PIEZO1: variants seen among roughly 807,000 people sequenced by gnomAD.
PIEZO1 encodes piezo type mechanosensitive ion channel component 1 (Er blood group), also known as piezo-type mechanosensitive ion channel component 1.
In PIEZO1, 296 loss-of-function variants were observed where a neutral mutation model predicts 297.2. The ratio of observed to expected loss-of-function variants is 1.00; its 90% CI spans 0.91 to 1.10. PIEZO1 has a LOEUF of 1.10. Among genes scored for constraint, PIEZO1 ranks in the 50% least tolerant of loss-of-function variants. The pLI is 0.00. For synonymous variants in PIEZO1, 2,427 were observed against 1,507.5 expected (o/e 1.61, Z -14.13); for missense variants, 5,018 against 3,455.5 (o/e 1.45, Z -11.34).
chr16:88,781,216 A>T (rs1907920454), intron 1 of PIEZO1, among the ~76,000 whole-genome samples: 1 of 152,214 alleles, frequency 6.6e-6, no homozygotes, highest in South Asian at 2.1e-4. Flanking sequence ...CTGCCGAGTC[A>T]GCACAGGAGA....
At chr16:88,777,107 G>A (rs1052142791) in intron 1 of PIEZO1, among the ~76,000 whole-genome samples, 11 of 152,338 alleles carry the variant, frequency 7.2e-5, no homozygotes, top group African/African-American at 2.6e-4. Context: ...CGAGTAGCTA[G>A]GATTACAGAT....
rs547838674 is a variant in PIEZO1 at position 88,750,104 on chromosome 16, G to T, written c.65-625C>A. Among the ~76,000 whole-genome samples, 3 of 151,778 alleles carry T rather than the reference G, an allele frequency of 2.0e-5. No individual in the cohort carries two copies. In the South Asian group the frequency reaches 6.2e-4, roughly 32 times the overall value. ...AATCCCAGCAGTTTGGGAGGCTGCA[G>T]CAGGAGGATCACCTGAGGTCAGGAG... On this transcript the variant is annotated intron_variant, in intron 1 of 50. Transcript: ENST00000301015.
intron 1 of PIEZO1, among the ~76,000 whole-genome samples, chr16:88,776,464 G>A (rs553128799): frequency 4.3e-4 from 65 of 152,090 alleles, no homozygotes; most frequent in Non-Finnish European, 9.3e-4. Context: ...GAGACGCAGG[G>A]CCAGGACCTG....
At chr16:88,738,141 A>AGAGGCAGTGGGGCCACAGGGGCTAGAC (rs1252190734) in intron 7 of PIEZO1, 36 bp from the exon 8 acceptor site, 1 of 1,534,918 alleles carries the variant, frequency 6.5e-7, no homozygotes. Flanking sequence ...CTACCACCCC[A>AGAGGCAGTGGGGCCACAGGGGCTAGAC]GAGGCAGTGG....
chr16:88,720,280 G>A lies in PIEZO1; in HGVS notation c.5953C>T (p.His1985Tyr). ...IIFGFWAFGK[H>Y]SAATDITSSL... The stretch of plus-strand genomic sequence containing the variant: ...GACGTGATGTCTGTGGCCGCCGAGT[G>A]CTTCTGTGGCCAGGAGAGCACAGGT... The change falls in exon 42 of 51, where the codon CAC (histidine) becomes TAC (tyrosine). Residue 1985 changes from histidine (H) to tyrosine (Y), a missense_variant. Coordinates refer to ENST00000301015, the MANE Select transcript of PIEZO1 (RefSeq NM_001142864.4). 1.3e-6 allele frequency: 2 copies of A among 1,550,342 alleles called. No individual in the cohort carries two copies. The highest frequency in any genetic ancestry group is 1.7e-6 in the Non-Finnish European group (2 of 1,146,940).
chr16:88,742,176 T>G (rs1297975090), intron 3 of PIEZO1, 81 bp from the exon 4 acceptor site: 1 of 1,515,618 alleles, frequency 6.6e-7, no homozygotes, highest in Non-Finnish European at 8.8e-7. Flanking sequence ...GCGTTTCACC[T>G]GGACCATCCA....
Position 88,737,466 on chromosome 16 carries a change from G to C in PIEZO1, c.1195+93C>G, listed in dbSNP as rs935987717. On this transcript the variant is annotated intron_variant, in intron 10 of 50. Coordinates refer to ENST00000301015, the MANE Select transcript of PIEZO1 (RefSeq NM_001142864.4). ...GGCGGCAGGCAGAGGTGCGGCGCGA[G>C]CATGCGAGAGCGCCAGGCGGCCACC... 7 of 828,928 alleles carry C rather than the reference G, an allele frequency of 8.4e-6. No individual in the cohort carries two copies. In the African/African-American group the frequency reaches 1.0e-4, roughly 12 times the overall value. 51.3% of individuals were successfully genotyped at this position (828,928 alleles called of 1,614,324 possible).
chr16:88,720,644 G>A lies in PIEZO1; in HGVS notation c.5773C>T (p.Arg1925Trp), dbSNP rs201442593. Residue 1925 changes from arginine (R) to tryptophan (W), a missense_variant, in exon 40 of 51, where the codon CGG becomes TGG. Physicochemically the swap from Arg to Trp is moderately radical, Grantham distance 101. Transcript: ENST00000301015. ...GACAGGCAGAAGCCCTGCAGCCGCC[G>A]CCCGGCCGCCCTTACTCTTCCTCCA... ...RSGGRVRAAG[R>W]RLQGFCLSLA... is the part of the protein sequence containing the mutation. 1,215 of 1,536,078 alleles carry A rather than the reference G, an allele frequency of 7.9e-4. 2 individuals carry two copies. Among genetic ancestry groups the A allele is most frequent in the Non-Finnish European group, 9.6e-4 (1,096 of 1,140,618 alleles).
In PIEZO1 at chr16:88,737,760, C is replaced by T. The variant is rs759245322; in HGVS notation, c.1075G>A (p.Asp359Asn). The stretch of plus-strand genomic sequence containing the variant: ...GACTCCCGTTCCTGGGGCCACTGGT[C>T]CAGCTCTGCTAGCTCCAGCTCCCGA... ...EARELELAELDQWPQERESDQ... is the reference protein window; with the variant it reads ...EARELELAELNQWPQERESDQ... The change falls in exon 9 of 51, where the codon GAC becomes AAC. Residue 359 changes from aspartate to asparagine, a missense_variant. Coordinates refer to ENST00000301015, the MANE Select transcript of PIEZO1 (RefSeq NM_001142864.4). The T allele has an allele frequency of 3.3e-6, 5 of 1,535,640 alleles. No homozygotes were observed. The highest frequency in any genetic ancestry group is 3.9e-5 in the Admixed American group (2 of 50,986).
At chr16:88,748,375 C>T (rs1369168475) in intron 2 of PIEZO1, among the ~76,000 whole-genome samples, 2 of 9,584 alleles carry the variant, frequency 2.1e-4, no homozygotes, top group African/African-American at 7.7e-4. Context: ...CCTCGTCACC[C>T]AGGCTGCAGG....
chr16:88,760,537 C>G (rs1906881881), intron 1 of PIEZO1, among the ~76,000 whole-genome samples: 1 of 152,242 alleles, frequency 6.6e-6, no homozygotes, highest in African/African-American at 2.4e-5. Flanking sequence ...GGGCAGGCAG[C>G]ACCCAGGGAG....
chr16:88,760,188 C>T (rs906643773), intron 1 of PIEZO1, among the ~76,000 whole-genome samples: 7 of 152,028 alleles, frequency 4.6e-5, no homozygotes, highest in East Asian at 3.9e-4. Flanking sequence ...TGACCCCGGC[C>T]GTGGCTACAG....
intron 22 of PIEZO1, among the ~76,000 whole-genome samples, chr16:88,728,403 T>C (rs1030235726): frequency 1.3e-5 from 2 of 150,838 alleles, no homozygotes; most frequent in African/African-American, 4.9e-5. Context: ...TGACCCTCCA[T>C]GCTGGGGAAC....
At chr16:88,738,541 G>A (rs1363580584) in intron 6 of PIEZO1, 27 bp downstream of exon 6, 2 of 1,531,016 alleles carry the variant, frequency 1.3e-6, no homozygotes, top group Non-Finnish European at 1.7e-6. Context: ...CAGTGTGACT[G>A]CCAGTGCCCC....
chr16:88,757,033 G>C (rs1405122705), intron 1 of PIEZO1, among the ~76,000 whole-genome samples: 1 of 152,138 alleles, frequency 6.6e-6, no homozygotes, highest in Non-Finnish European at 1.5e-5. Context: ...CCGAGATCAG[G>C]ACACTGCACT....
chr16:88,737,595 C>T lies in PIEZO1; in HGVS notation c.1159G>A (p.Glu387Lys), dbSNP rs1041284674. Residue 387 changes from glutamate (E) to lysine (K), a missense_variant, in exon 10 of 51, where the codon GAG (glutamate) becomes AAG (lysine). Physicochemically the swap from Glu to Lys is moderately conservative, Grantham distance 56 (BLOSUM62 1). Coordinates refer to ENST00000301015, the MANE Select transcript of PIEZO1 (RefSeq NM_001142864.4). The stretch of plus-strand genomic sequence containing the variant: ...AGGACGGAGCTCTGGCCGGTCAGCT[C>T]GTGCACGATGCAGTTATCAGCCTCG... ...DTEADNCIVH[E>K]LTGQSSVLRR... 1.2e-5 allele frequency: 18 copies of T among 1,534,580 alleles called. No individual in the cohort carries two copies. The highest frequency in any genetic ancestry group is 3.9e-5 in the Admixed American group (2 of 50,974).
rs191036550 is a variant in PIEZO1 at position 88,781,388 on chromosome 16, C to T, written c.64+3513G>A. Among the ~76,000 whole-genome samples the T allele has an allele frequency of 4.6e-5, 7 of 152,340 alleles. No individual in the cohort carries two copies. In the East Asian group the frequency reaches 1.2e-3, roughly 25 times the overall value. On this transcript the variant is annotated intron_variant, in intron 1 of 50. Transcript: ENST00000301015. ...CTGCGGGACGAGCACCCGCTGTGACCCATCCTCAGCTCCTGGGCAGTCCCT... is the reference window on the plus strand; with the variant it reads ...CTGCGGGACGAGCACCCGCTGTGACTCATCCTCAGCTCCTGGGCAGTCCCT...
intron 1 of PIEZO1, among the ~76,000 whole-genome samples, chr16:88,770,295 C>T (rs957710423): frequency 3.3e-5 from 5 of 152,170 alleles, no homozygotes; most frequent in African/African-American, 7.2e-5. Context: ...GTGCACAGCC[C>T]GCTCCCCCAT....
In PIEZO1 at chr16:88,738,460, A is replaced by G. The variant is rs1905407375; in HGVS notation, c.635-20T>C. On this transcript the variant is annotated intron_variant, in intron 6 of 50. Transcript: ENST00000301015. The stretch of plus-strand genomic sequence containing the variant: ...CGATGCCTGCGGGGCAGGGGCACAC[A>G]GGGTGGTACCTGGCCAGTGCCATGT... 6.5e-7 allele frequency: 1 copy of G among 1,533,508 alleles called. No individual in the cohort carries two copies. Among genetic ancestry groups the G allele is most frequent in the Non-Finnish European group, 8.7e-7 (1 of 1,145,018 alleles). 95.0% of individuals were successfully genotyped at this position (1,533,508 alleles called of 1,614,324 possible).
Sources: allele counts gnomAD v4.1 joint callset (sites outside exome capture counted in the v4.1 genomes callset), GRCh38; gene constraint gnomAD v4.1.1; transcripts MANE v1.5; gene names NCBI Gene and HGNC (gene_info 2026-07-23, HGNC 2026-07-21).